The following RNF169 variants were observed in gnomAD, a reference collection of about 807,000 sequenced individuals.
RNF169 encodes the protein ring finger protein 169.
RNF169 carries 24 observed loss-of-function variants against 53.9 expected under a neutral mutation model. That is an observed-to-expected ratio of 0.45 (90% CI 0.32 to 0.63). The LOEUF is 0.63. Among genes scored for constraint, RNF169 ranks in the 20% least tolerant of loss-of-function variants. The pLI is 0.04. For missense variants in RNF169, 883 were observed against 906.2 expected (o/e 0.97, Z 0.33); for synonymous variants, 396 against 363.5 (o/e 1.09, Z -1.02).
intron 1 of RNF169, among the ~76,000 whole-genome samples, chr11:74,776,635 A>C (rs965728182): frequency 1.3e-4 from 20 of 152,202 alleles, no homozygotes; most frequent in African/African-American, 4.6e-4. Flanking sequence ...CACAAGTAGT[A>C]AATGTTACTG....
intron 4 of RNF169, chr11:74,832,166 ATCTGTC>A (rs2036189108): frequency 6.6e-6 from 1 of 152,202 alleles, no homozygotes; most frequent in Admixed American, 6.5e-5. Context: ...CTTTTGATCA[ATCTGTC>A]TCTAATGCTT....
In RNF169 at chr11:74,840,886, G is replaced by A. The variant is rs1377553604; in HGVS notation, c.*4156G>A. The A allele has an allele frequency of 6.9e-6, 1 of 145,340 alleles. No individual in the cohort carries two copies. Among genetic ancestry groups the A allele is most frequent in the Non-Finnish European group, 1.5e-5 (1 of 66,956 alleles). The allele number at this position is 145,340 out of a possible 1,614,324, so 9.0% of individuals were successfully genotyped here. ...TCTGAATAAATAATCATTAAAGTTT[G>A]ACACACGCAGACACACGCACCAATG... On this transcript the variant is annotated 3_prime_UTR_variant, in exon 6 of 6. Coordinates refer to ENST00000299563, the MANE Select transcript of RNF169 (RefSeq NM_001098638.2).
At chr11:74,831,574 G>A (rs1287147536) in intron 4 of RNF169, 1 of 151,676 alleles carries the variant, frequency 6.6e-6, no homozygotes, top group Non-Finnish European at 1.5e-5. Flanking sequence ...TCTTGAAGTC[G>A]TTTTACAGAT....
chr11:74,823,739 A>AAAAG (rs2135136753), intron 4 of RNF169, among the ~76,000 whole-genome samples: 1 of 1,270 alleles, frequency 7.9e-4, no homozygotes, highest in African/African-American at 3.5e-3. Context: ...CCTGTCTCAG[A>AAAAG]AAAAAAAAAA....
chr11:74,807,383 C>T (rs1330874507), intron 2 of RNF169, among the ~76,000 whole-genome samples: 1 of 152,158 alleles, frequency 6.6e-6, no homozygotes, highest in Admixed American at 6.5e-5. Context: ...GCTATTGCAG[C>T]ACTTTATATT....
intron 2 of RNF169, among the ~76,000 whole-genome samples, chr11:74,806,789 C>T (rs2035811386): frequency 1.3e-5 from 2 of 151,664 alleles, no homozygotes; most frequent in Non-Finnish European, 2.9e-5. Flanking sequence ...TACCATAGTT[C>T]ACTCACTTTT....
chr11:74,772,884 T>A (rs1334906647), intron 1 of RNF169, among the ~76,000 whole-genome samples: 1 of 152,224 alleles, frequency 6.6e-6, no homozygotes, highest in Non-Finnish European at 1.5e-5. Flanking sequence ...TATTTCTTAC[T>A]GTGGATTGTA....
chr11:74,809,593 G>A (rs2035847854), intron 2 of RNF169, among the ~76,000 whole-genome samples: 1 of 152,216 alleles, frequency 6.6e-6, no homozygotes, highest in Non-Finnish European at 1.5e-5. Context: ...GCCTAGGCAG[G>A]CGGATTGCTT....
At chr11:74,791,094 AG>A (rs1170920384) in intron 2 of RNF169, among the ~76,000 whole-genome samples, 2 of 152,218 alleles carry the variant, frequency 1.3e-5, no homozygotes, top group Non-Finnish European at 2.9e-5. Context: ...ACAGCTCTCA[AG>A]AGACTGAAGT....
chr11:74,758,852 A>G (rs2035029414), intron 1 of RNF169, among the ~76,000 whole-genome samples: 1 of 150,948 alleles, frequency 6.6e-6, no homozygotes. Context: ...GAAGAAAGTC[A>G]TTGGTAGCTT....
At chr11:74,793,839 G>A (rs2035611738) in intron 2 of RNF169, among the ~76,000 whole-genome samples, 1 of 152,114 alleles carries the variant, frequency 6.6e-6, no homozygotes, top group Admixed American at 6.5e-5. Flanking sequence ...AGCAAAATAT[G>A]AAAGTCCCTT....
chr11:74,788,356 GTA>G (rs1347303173), intron 1 of RNF169, among the ~76,000 whole-genome samples: 1 of 151,698 alleles, frequency 6.6e-6, no homozygotes, highest in East Asian at 1.9e-4. Flanking sequence ...CAATTTTTCT[GTA>G]TTTTTGCCAC....
intron 1 of RNF169, among the ~76,000 whole-genome samples, chr11:74,785,037 A>G (rs77885714): frequency 0.021 from 3,151 of 151,562 alleles, 128 homozygotes; most frequent in African/African-American, 0.072. Context: ...TTCATTGGTT[A>G]CTACTACTGT....
chr11:74,816,085 G>A (rs923265652), intron 3 of RNF169, among the ~76,000 whole-genome samples: 12 of 152,142 alleles, frequency 7.9e-5, no homozygotes, highest in African/African-American at 2.9e-4. Flanking sequence ...CTCTCTCAAA[G>A]GCCAGCTGTT....
intron 4 of RNF169, among the ~76,000 whole-genome samples, chr11:74,829,840 C>T (rs777250941): frequency 2.6e-5 from 4 of 152,002 alleles, no homozygotes; most frequent in Non-Finnish European, 4.4e-5. Flanking sequence ...ACAACACACA[C>T]TGGGGCCTGC....
At chr11:74,829,985 T>G (rs1396999147) in intron 4 of RNF169, among the ~76,000 whole-genome samples, 1 of 152,084 alleles carries the variant, frequency 6.6e-6, no homozygotes, top group East Asian at 1.9e-4. Flanking sequence ...CTGCACATCC[T>G]GCGCATGTAC....
intron 4 of RNF169, among the ~76,000 whole-genome samples, chr11:74,822,175 A>C (rs1334190581): frequency 6.6e-6 from 1 of 152,058 alleles, no homozygotes; most frequent in Non-Finnish European, 1.5e-5. Context: ...CCCTTAAGAA[A>C]CAAGTATGGC....
intron 2 of RNF169, among the ~76,000 whole-genome samples, chr11:74,790,215 A>T (rs1018437773): frequency 1.3e-5 from 2 of 152,318 alleles, no homozygotes; most frequent in Middle Eastern, 3.4e-3. Flanking sequence ...TGATGTTTTC[A>T]AACTAATTGT....
intron 4 of RNF169, among the ~76,000 whole-genome samples, chr11:74,829,526 T>C (rs1484519712): frequency 6.6e-6 from 1 of 151,944 alleles, no homozygotes; most frequent in African/African-American, 2.4e-5. Context: ...CATTCCCTTA[T>C]AAAAATACAC....
Sources: allele counts gnomAD v4.1 joint callset (sites outside exome capture counted in the v4.1 genomes callset), GRCh38; gene constraint gnomAD v4.1.1; transcripts MANE v1.5; gene names NCBI Gene and HGNC (gene_info 2026-07-23, HGNC 2026-07-21).